ZC3H12B: variants seen among roughly 807,000 people sequenced by gnomAD.
The protein encoded by ZC3H12B is zinc finger CCCH-type containing 12B.
A neutral mutation model predicts 43.9 loss-of-function variants in ZC3H12B; 7 were observed. The ratio of observed to expected loss-of-function variants is 0.16; its 90% CI spans 0.09 to 0.30. ZC3H12B has a LOEUF of 0.30. Ranked by LOEUF, ZC3H12B falls within the 10% of genes least tolerant of loss-of-function variation. The pLI is 1.00. For synonymous variants in ZC3H12B, 222 were observed against 241.7 expected (o/e 0.92, Z 0.76); for missense variants, 475 against 670.2 (o/e 0.71, Z 3.22).
At chrX:65,408,195 C>A (rs975845530) in intron 3 of ZC3H12B, 5 of 1,197,170 alleles carry the variant, frequency 4.2e-6, no homozygotes, top group Non-Finnish European at 2.3e-6. Flanking sequence ...TTCCTGCAGG[C>A]GCAGTATCAC....
the ZC3H12B span, among the ~76,000 whole-genome samples, chrX:65,295,777 C>G: frequency 1.8e-5 from 2 of 111,199 alleles, no homozygotes; most frequent in Admixed American, 1.9e-4. Flanking sequence ...CTATGAACAC[C>G]TTTACACGCA....
chrX:65,276,529 A>T, the ZC3H12B span, among the ~76,000 whole-genome samples: 2 of 112,033 alleles, frequency 1.8e-5, no homozygotes, highest in East Asian at 2.8e-4. Flanking sequence ...GCCAGGATAA[A>T]GTGAGATGAT....
chrX:65,052,191 G>A, the ZC3H12B span, among the ~76,000 whole-genome samples: 1 of 110,745 alleles, frequency 9.0e-6, no homozygotes, highest in East Asian at 2.8e-4. Flanking sequence ...AAATGTTTGT[G>A]GGTACATAGT....
At chrX:65,184,800 T>C in the ZC3H12B span, among the ~76,000 whole-genome samples, 5 of 110,920 alleles carry the variant, frequency 4.5e-5, no homozygotes, top group Non-Finnish European at 9.5e-5. Flanking sequence ...GTCTAAGGAG[T>C]ATAATCCTGA....
At chrX:65,426,392 C>CAAAAA (rs58910748) in intron 3 of ZC3H12B, among the ~76,000 whole-genome samples, 1 of 42,163 alleles carries the variant, frequency 2.4e-5, no homozygotes. Flanking sequence ...TAATTATTTC[C>CAAAAA]AAAAAAAAAA....
intron 3 of ZC3H12B, among the ~76,000 whole-genome samples, chrX:65,429,693 G>A (rs2067129705): frequency 1.8e-5 from 2 of 112,295 alleles, no homozygotes; most frequent in Non-Finnish European, 3.8e-5. Flanking sequence ...CTGTCCCAGG[G>A]AGAGTTCAGA....
intron 3 of ZC3H12B, among the ~76,000 whole-genome samples, chrX:65,415,140 G>A (rs1222188012): frequency 8.9e-6 from 1 of 112,410 alleles, no homozygotes; most frequent in Non-Finnish European, 1.9e-5. Context: ...TTTCTGATTG[G>A]CAATTGGTTA....
chrX:65,218,348 G>A, the ZC3H12B span, among the ~76,000 whole-genome samples: 1 of 112,333 alleles, frequency 8.9e-6, no homozygotes, highest in Non-Finnish European at 1.9e-5. Flanking sequence ...TGCCACTGCA[G>A]GCTACATGGG....
chrX:65,036,201 G>T, the ZC3H12B span, among the ~76,000 whole-genome samples: 1 of 111,706 alleles, frequency 9.0e-6, no homozygotes, highest in Non-Finnish European at 1.9e-5. Flanking sequence ...GAATGAGGTT[G>T]TTTTCTTAAA....
intron 2 of ZC3H12B, among the ~76,000 whole-genome samples, chrX:65,380,972 C>A (rs1226801157): frequency 9.0e-6 from 1 of 111,304 alleles, no homozygotes; most frequent in Admixed American, 9.6e-5. Context: ...GAGTGACCTG[C>A]AAAGAGACTT....
the ZC3H12B span, among the ~76,000 whole-genome samples, chrX:65,221,840 T>C: frequency 9.0e-6 from 1 of 111,120 alleles, no homozygotes; most frequent in East Asian, 2.8e-4. Flanking sequence ...TTCTAAATCA[T>C]TCTATGAAAC....
At chrX:65,083,061 C>A in the ZC3H12B span, among the ~76,000 whole-genome samples, 1 of 110,862 alleles carries the variant, frequency 9.0e-6, no homozygotes, top group Non-Finnish European at 1.9e-5. Flanking sequence ...AATTCAACAT[C>A]ACTTCATGAT....
chrX:65,327,375 C>G, the ZC3H12B span, among the ~76,000 whole-genome samples: 1 of 111,214 alleles, frequency 9.0e-6, no homozygotes, highest in Non-Finnish European at 1.9e-5. Flanking sequence ...ATTTTTAAAA[C>G]AATTCCTAAA....
rs1179095078 is a variant in ZC3H12B at position 65,373,971 on chromosome X, G to GTATATATATAGT, written n.295+4983_295+4984insGTTATATATATA. On this transcript the variant is annotated intron_variant and non_coding_transcript_variant, in intron 2 of 5. Coordinates refer to the ZC3H12B transcript ENST00000617377. The stretch of plus-strand genomic sequence containing the variant: ...GTTATATATATATACTGTATATATA[G>GTATATATATAGT]TATATATATATACTATATATATATA... Among the ~76,000 whole-genome samples the GTATATATATAGT allele has an allele frequency of 2.4e-3, 98 of 41,343 alleles. 9 individuals are homozygous for GTATATATATAGT. Among genetic ancestry groups the GTATATATATAGT allele is most frequent in the African/African-American group, 0.023 (97 of 4,175 alleles). 35.9% of individuals were successfully genotyped at this position (41,343 alleles called of 115,157 possible). A position where few individuals can be genotyped will look rare whatever the true frequency, so the allele number is the denominator to read the frequency against.
chrX:65,196,523 C>A, the ZC3H12B span, among the ~76,000 whole-genome samples: 1 of 111,423 alleles, frequency 9.0e-6, no homozygotes, highest in East Asian at 2.8e-4. Flanking sequence ...ATCAGTTTCA[C>A]AGGCTCAATT....
At chrX:65,228,439 C>T in the ZC3H12B span, among the ~76,000 whole-genome samples, 1 of 111,231 alleles carries the variant, frequency 9.0e-6, no homozygotes, top group East Asian at 2.8e-4. Flanking sequence ...ACTGAATGGA[C>T]AAAAACTGGA....
At chrX:65,379,793 A>G (rs1041246020) in intron 2 of ZC3H12B, among the ~76,000 whole-genome samples, 6 of 112,667 alleles carry the variant, frequency 5.3e-5, no homozygotes, top group African/African-American at 1.9e-4. Flanking sequence ...ACAAGGCTCA[A>G]GAACTACGTG....
chrX:65,482,987 G>A (rs1014132702), intron 3 of ZC3H12B, among the ~76,000 whole-genome samples: 7 of 112,113 alleles, frequency 6.2e-5, no homozygotes, highest in African/African-American at 1.6e-4. Flanking sequence ...AAGAATTGAC[G>A]TAGTTTAATC....
rs762364987 is a variant in ZC3H12B, at chrX:65,475,332, C to T, written n.408-13314C>T. Among the ~76,000 whole-genome samples, 10 of 111,479 alleles carry T rather than the reference C, an allele frequency of 9.0e-5. No homozygotes were observed. In the South Asian group the frequency reaches 3.8e-3, roughly 42 times the overall value. ...TTCCCATAAATATTTCTTTGTAAGG[C>T]AGATCTAGTGGCAATGAACTCCCTC... On this transcript the variant is annotated intron_variant and non_coding_transcript_variant, in intron 3 of 5. Transcript: ENST00000617377.
Sources: gnomAD v4.1 joint callset for allele counts (sites outside exome capture counted in the v4.1 genomes callset) on GRCh38, gnomAD v4.1.1 for gene constraint, MANE v1.5 for transcripts, NCBI Gene and HGNC (gene_info 2026-07-23, HGNC 2026-07-21) for gene names.